Variants in SHANK2 observed in about 807,000 individuals in gnomAD.
The protein encoded by SHANK2 is SH3 and multiple ankyrin repeat domains protein 2.
SHANK2 carries 43 observed loss-of-function variants against 133.7 expected under a neutral mutation model. The observed-to-expected ratio is 0.32, with a 90% CI of 0.25 to 0.41. The LOEUF is 0.41. Ranked by LOEUF, SHANK2 falls within the 10% of genes least tolerant of loss-of-function variation. The pLI is 1.00. For missense variants in SHANK2, 1,994 were observed against 2,235.8 expected, an observed-to-expected ratio of 0.89 and a Z score of 2.18; for synonymous variants, 1,017 against 952.8, an observed-to-expected ratio of 1.07 and a Z score of -1.24.
chr11:70,538,587 C>A (rs1420027235), intron 17 of SHANK2, among the ~76,000 whole-genome samples: 4 of 152,214 alleles, frequency 2.6e-5, no homozygotes, highest in African/African-American at 9.6e-5. Flanking sequence ...GAGGAAGGAG[C>A]AGGATAACGT....
intron 3 of SHANK2, among the ~76,000 whole-genome samples, chr11:71,133,372 A>G (rs1555104086): frequency 0.01 from 248 of 24,786 alleles, no homozygotes; most frequent in African/African-American, 0.031. Context: ...CTGGCTGGGT[A>G]GGTGGGTGGC....
At chr11:70,645,308 G>A (rs1339676174) in intron 17 of SHANK2, among the ~76,000 whole-genome samples, 2 of 152,096 alleles carry the variant, frequency 1.3e-5, no homozygotes, top group Admixed American at 6.5e-5. Flanking sequence ...CCAGAATCCC[G>A]GTGTTGCTGG....
intron 3 of SHANK2, among the ~76,000 whole-genome samples, chr11:71,129,327 A>T (rs1380543565): frequency 6.6e-6 from 1 of 152,194 alleles, no homozygotes; most frequent in Non-Finnish European, 1.5e-5. Flanking sequence ...TACGCCACCG[A>T]GGTCTGCAGA....
At chr11:70,789,411 T>C (rs1413565195) in intron 14 of SHANK2, among the ~76,000 whole-genome samples, 1 of 152,174 alleles carries the variant, frequency 6.6e-6, no homozygotes, top group East Asian at 1.9e-4. Context: ...GGGCCTATTC[T>C]TAAATGCAGA....
intron 11 of SHANK2, among the ~76,000 whole-genome samples, chr11:70,858,212 C>G (rs1949200282): frequency 6.6e-6 from 1 of 152,238 alleles, no homozygotes; most frequent in Non-Finnish European, 1.5e-5. Flanking sequence ...TGTTCATAAT[C>G]CATTTTAAAT....
intron 14 of SHANK2, among the ~76,000 whole-genome samples, chr11:70,730,088 C>A (rs529405112): frequency 1.3e-5 from 2 of 152,134 alleles, no homozygotes; most frequent in Admixed American, 6.5e-5. Context: ...ACGTGAAGCT[C>A]TTAGAAGGGC....
chr11:70,493,245 A>C, intron 21 of SHANK2, among the ~76,000 whole-genome samples: 1 of 148,418 alleles, frequency 6.7e-6, no homozygotes, highest in Non-Finnish European at 1.5e-5. Context: ...CCAAGACATG[A>C]GGATCTGCCA....
intron 14 of SHANK2, among the ~76,000 whole-genome samples, chr11:70,787,518 A>ACCATCACCAT (rs1947695589): frequency 4.3e-5 from 2 of 46,518 alleles, no homozygotes; most frequent in African/African-American, 8.7e-5. Flanking sequence ...ATCATCACCA[A>ACCATCACCAT]GACCACCACC....
chr11:71,240,064 G>A (rs552199679), intron 1 of SHANK2, among the ~76,000 whole-genome samples: 1 of 152,312 alleles, frequency 6.6e-6, no homozygotes, highest in South Asian at 2.1e-4. Flanking sequence ...CTTCTGGTAA[G>A]AACCTCGTTC....
At chr11:70,615,714 G>C (rs116191104) in intron 17 of SHANK2, among the ~76,000 whole-genome samples, 1 of 152,214 alleles carries the variant, frequency 6.6e-6, no homozygotes, top group Admixed American at 6.5e-5. Context: ...GGTGGTAAGC[G>C]GCGCGTGGTG....
At chr11:70,948,451 C>T (rs781987838) in intron 10 of SHANK2, 9 of 446,040 alleles carry the variant, frequency 2.0e-5, no homozygotes, top group South Asian at 7.8e-5. Context: ...AGATATGCAC[C>T]GAACATCAGC....
At chr11:71,237,832 G>A (rs1264684786) in intron 1 of SHANK2, among the ~76,000 whole-genome samples, 1 of 152,124 alleles carries the variant, frequency 6.6e-6, no homozygotes, top group African/African-American at 2.4e-5. Flanking sequence ...GATTTCTGAT[G>A]AACAAAGGTT....
chr11:70,615,552 C>G (rs945394291), intron 17 of SHANK2, among the ~76,000 whole-genome samples: 7 of 152,180 alleles, frequency 4.6e-5, no homozygotes, highest in African/African-American at 1.7e-4. Flanking sequence ...CAAGGGAGCA[C>G]ATGCAGTCAA....
At chr11:71,120,546 G>T (rs1952063303) in intron 3 of SHANK2, among the ~76,000 whole-genome samples, 1 of 152,112 alleles carries the variant, frequency 6.6e-6, no homozygotes, top group Admixed American at 6.6e-5. Flanking sequence ...AGTCCTCCCT[G>T]CCAGGAAACC....
intron 10 of SHANK2, among the ~76,000 whole-genome samples, chr11:70,921,128 A>G (rs1950344723): frequency 6.6e-6 from 1 of 152,228 alleles, no homozygotes; most frequent in Admixed American, 6.5e-5. Context: ...ATCAGCCTCC[A>G]CTGGGCACAG....
intron 10 of SHANK2, chr11:70,942,858 A>G (rs781856993): frequency 3.3e-5 from 15 of 456,740 alleles, no homozygotes; most frequent in African/African-American, 2.8e-4. Context: ...AAGACCAGAC[A>G]GGCCCTTTGC....
chr11:70,855,108 G>T (rs73534019), intron 11 of SHANK2, among the ~76,000 whole-genome samples: 2 of 152,182 alleles, frequency 1.3e-5, no homozygotes, highest in African/African-American at 4.8e-5. Flanking sequence ...CCAGCATATG[G>T]CCCAGTGGCT....
intron 11 of SHANK2, among the ~76,000 whole-genome samples, chr11:70,893,016 C>T (rs1949874507): frequency 6.6e-6 from 1 of 152,196 alleles, no homozygotes; most frequent in Non-Finnish European, 1.5e-5. Flanking sequence ...AACAACTTGT[C>T]CTCAAATCCT....
chr11:70,906,837 C>A (rs1950111951), intron 10 of SHANK2, among the ~76,000 whole-genome samples: 1 of 152,172 alleles, frequency 6.6e-6, no homozygotes, highest in African/African-American at 2.4e-5. Context: ...AGTTCCCCTG[C>A]AAACTTCAAG....
Sources: allele counts gnomAD v4.1 joint callset (sites outside exome capture counted in the v4.1 genomes callset), GRCh38; gene constraint gnomAD v4.1.1; transcripts MANE v1.5; gene names NCBI Gene and HGNC (gene_info 2026-07-23, HGNC 2026-07-21).